The following NAA15 variants were observed in gnomAD, a reference collection of about 807,000 sequenced individuals.
The protein encoded by NAA15 is N-alpha-acetyltransferase 15, NatA auxiliary subunit, also known as N-terminal acetyltransferase.
Under a neutral mutation model 114.0 loss-of-function variants are expected in NAA15, and 34 were observed. The ratio of observed to expected loss-of-function variants is 0.30; its 90% CI spans 0.23 to 0.40. The LOEUF (loss-of-function observed/expected upper bound fraction) is 0.40, where lower values mean the gene tolerates loss of function less well. NAA15 is among the 10% of genes least tolerant of loss of function. The pLI is 1.00. For synonymous variants in NAA15, 340 were observed against 338.0 expected (o/e 1.01, Z -0.06); for missense variants, 658 against 1,004.5 (o/e 0.66, Z 4.66).
chr4:139,374,755 A>G (rs1748536214), intron 15 of NAA15, among the ~76,000 whole-genome samples: 1 of 152,114 alleles, frequency 6.6e-6, no homozygotes, highest in South Asian at 2.1e-4. Context: ...TACCCTGACA[A>G]AGTCTTACCT....
At chr4:139,350,863 G>A (rs966180592) in intron 7 of NAA15, among the ~76,000 whole-genome samples, 1 of 151,908 alleles carries the variant, frequency 6.6e-6, no homozygotes, top group Non-Finnish European at 1.5e-5. Context: ...CAGAGGAGAG[G>A]AGTTAGAGGG....
intron 1 of NAA15, among the ~76,000 whole-genome samples, chr4:139,323,013 A>T (rs907512007): frequency 6.8e-6 from 1 of 146,770 alleles, no homozygotes; most frequent in African/African-American, 2.5e-5. Flanking sequence ...TTGACGGAGG[A>T]TGGAGGATTC....
At chr4:139,321,557 C>A (rs1450246945) in intron 1 of NAA15, among the ~76,000 whole-genome samples, 1 of 150,276 alleles carries the variant, frequency 6.7e-6, no homozygotes, top group African/African-American at 2.5e-5. Flanking sequence ...CTGCAAGCTC[C>A]GCCTCCCGGA....
At chr4:139,369,468 G>A (rs1223986003) in intron 14 of NAA15, among the ~76,000 whole-genome samples, 3 of 152,234 alleles carry the variant, frequency 2.0e-5, no homozygotes, top group Non-Finnish European at 2.9e-5. Flanking sequence ...TGCTGGGTGC[G>A]GTGACTCACG....
chr4:139,305,539 GTTT>G (rs11454836), intron 1 of NAA15, among the ~76,000 whole-genome samples: 1 of 135,492 alleles, frequency 7.4e-6, no homozygotes. Context: ...GTAACTTGTT[GTTT>G]TTTTTTTTTT....
intron 6 of NAA15, 52 bp downstream of exon 6, chr4:139,344,391 A>G (rs753924660): frequency 6.8e-7 from 1 of 1,473,316 alleles, no homozygotes; most frequent in Non-Finnish European, 9.2e-7. Context: ...TGACAGAGCA[A>G]GGCTGAAAAA....
intron 7 of NAA15, among the ~76,000 whole-genome samples, chr4:139,350,212 G>A (rs1160080748): frequency 1.3e-5 from 2 of 152,318 alleles, no homozygotes; most frequent in African/African-American, 4.8e-5. Context: ...GGAGGCTGGG[G>A]CGGGAGGATT....
intron 1 of NAA15, among the ~76,000 whole-genome samples, chr4:139,319,640 C>T (rs1455006529): frequency 6.6e-6 from 1 of 151,724 alleles, no homozygotes; most frequent in African/African-American, 2.4e-5. Context: ...TGCCATGTTG[C>T]CAGGCTGGTC....
chr4:139,333,306 G>A (rs947764354), intron 1 of NAA15, among the ~76,000 whole-genome samples: 9 of 152,052 alleles, frequency 5.9e-5, no homozygotes, highest in South Asian at 2.1e-4. Context: ...TTTGAAGGCC[G>A]TATATTTGTC....
intron 11 of NAA15, among the ~76,000 whole-genome samples, chr4:139,357,936 G>T (rs186274066): frequency 6.6e-6 from 1 of 152,234 alleles, no homozygotes; most frequent in East Asian, 1.9e-4. Flanking sequence ...TTATTGAGAT[G>T]AAACTGTGAA....
intron 5 of NAA15, 29 bp downstream of exon 5, chr4:139,342,989 C>A (rs1455739250): frequency 6.3e-7 from 1 of 1,586,384 alleles, no homozygotes. Flanking sequence ...TTTACTAAGT[C>A]TGATCCTAAG....
chr4:139,381,401 C>T (rs966411548), intron 17 of NAA15, among the ~76,000 whole-genome samples: 1 of 151,970 alleles, frequency 6.6e-6, no homozygotes, highest in African/African-American at 2.4e-5. Flanking sequence ...TATTTGGCTG[C>T]CTTGATCTAC....
intron 11 of NAA15, 106 bp downstream of exon 11, chr4:139,357,661 T>G: frequency 1.4e-6 from 1 of 735,322 alleles, no homozygotes; most frequent in South Asian, 1.9e-5. Context: ...ATTTGATAAC[T>G]CAAAAAACAT....
In NAA15 at chr4:139,389,008, G is replaced by C. The variant is rs1748980167; in HGVS notation, c.*924G>C. 6.6e-6 allele frequency: 1 copy of C among 152,476 alleles called. No individual in the cohort carries two copies. Among genetic ancestry groups the C allele is most frequent in the African/African-American group, 2.4e-5 (1 of 41,398 alleles). 9.4% of individuals were successfully genotyped at this position (152,476 alleles called of 1,614,324 possible). On this transcript the variant is annotated 3_prime_UTR_variant, in exon 20 of 20. Coordinates refer to ENST00000296543, the MANE Select transcript of NAA15 (RefSeq NM_057175.5). The stretch of plus-strand genomic sequence containing the variant: ...TCTATGACTGATCAAAAGACTAATA[G>C]TTAAAAACCTCAGCAGGCCTTGTTC...
intron 10 of NAA15, among the ~76,000 whole-genome samples, chr4:139,355,354 G>A (rs925953315): frequency 1.3e-5 from 2 of 151,384 alleles, no homozygotes; most frequent in Admixed American, 1.3e-4. Flanking sequence ...TTATCTTTTG[G>A]GTTTCTGTCC....
At chr4:139,314,971 C>T (rs71628789) in intron 1 of NAA15, among the ~76,000 whole-genome samples, 14,943 of 98,264 alleles carry the variant, frequency 0.15, 1,577 homozygotes, top group Middle Eastern at 0.21. Flanking sequence ...CAACCACACC[C>T]GGCCTAGAGA....
chr4:139,348,467 A>G (rs553990521), intron 6 of NAA15, among the ~76,000 whole-genome samples: 4 of 152,198 alleles, frequency 2.6e-5, no homozygotes, highest in Non-Finnish European at 4.4e-5. Context: ...AAAAAAAAAA[A>G]AAAGTCACTG....
Position 139,378,872 on chromosome 4 carries a change from A to G in NAA15, c.2155+18A>G, listed in dbSNP as rs774310964. ...TAATACTGGTATGTTTTTGTTTTCC[A>G]TTACTTAAGTATTTGATACAGTGGT... On this transcript the variant is annotated intron_variant, in intron 17 of 19. Transcript: ENST00000296543. 46 of 1,451,436 alleles carry G rather than the reference A, an allele frequency of 3.2e-5. No homozygotes were observed. The highest frequency in any genetic ancestry group is 3.5e-5 in the Non-Finnish European group (37 of 1,070,388). The allele number at this position is 1,451,436 out of a possible 1,614,324, so 89.9% of individuals were successfully genotyped here. A position where few individuals can be genotyped will look rare whatever the true frequency, so the allele number is the denominator to read the frequency against.
intron 10 of NAA15, among the ~76,000 whole-genome samples, chr4:139,354,980 G>A (rs1315410783): frequency 6.6e-6 from 1 of 152,142 alleles, no homozygotes; most frequent in Admixed American, 6.5e-5. Context: ...AGGTGCAAGT[G>A]ATTCTCCTGC....
Sources: gnomAD v4.1 joint callset for allele counts (sites outside exome capture counted in the v4.1 genomes callset) on GRCh38, gnomAD v4.1.1 for gene constraint, MANE v1.5 for transcripts, NCBI Gene and HGNC (gene_info 2026-07-23, HGNC 2026-07-21) for gene names.